The following OLFM3 variants were observed in gnomAD, a reference collection of about 807,000 sequenced individuals.
The protein encoded by OLFM3 is noelin-3.
A neutral mutation model predicts 48.6 loss-of-function variants in OLFM3; 20 were observed. The ratio of observed to expected loss-of-function variants is 0.41; its 90% CI spans 0.29 to 0.60. The LOEUF (loss-of-function observed/expected upper bound fraction) is 0.60. Among genes scored for constraint, OLFM3 ranks in the 20% least tolerant of loss-of-function variants. The pLI is 0.28. For missense variants in OLFM3, 437 were observed against 544.3 expected, an observed-to-expected ratio of 0.80 and a Z score of 1.96; for synonymous variants, 222 against 198.1, an observed-to-expected ratio of 1.12 and a Z score of -1.01.
chr1:101,890,094 T>A (rs1202352755), intron 1 of OLFM3, among the ~76,000 whole-genome samples: 2 of 152,084 alleles, frequency 1.3e-5, no homozygotes, highest in Non-Finnish European at 2.9e-5. Flanking sequence ...GACCTTTTAA[T>A]GATCTTGGAA....
chr1:101,946,867 G>C (rs1256284212), intron 1 of OLFM3, among the ~76,000 whole-genome samples: 2 of 152,146 alleles, frequency 1.3e-5, no homozygotes, highest in Non-Finnish European at 2.9e-5. Context: ...GATTGAACAA[G>C]TGAAGCATAA....
intron 1 of OLFM3, among the ~76,000 whole-genome samples, chr1:101,960,632 G>A (rs1660439333): frequency 6.6e-6 from 1 of 151,662 alleles, no homozygotes; most frequent in African/African-American, 2.4e-5. Context: ...TCTTGGGTGA[G>A]TATTGCCAAA....
At chr1:101,826,161 C>T (rs1365302411) in intron 3 of OLFM3, among the ~76,000 whole-genome samples, 2 of 151,608 alleles carry the variant, frequency 1.3e-5, no homozygotes, top group African/African-American at 2.4e-5. Flanking sequence ...CACACACACA[C>T]ACACACACAC....
intron 1 of OLFM3, among the ~76,000 whole-genome samples, chr1:101,957,763 G>T (rs1660341206): frequency 6.6e-6 from 1 of 152,026 alleles, no homozygotes; most frequent in Admixed American, 6.6e-5. Context: ...AAAGGTTAGA[G>T]ACTATTAAAA....
At chr1:101,884,434 C>CT (rs1657661103) in intron 1 of OLFM3, among the ~76,000 whole-genome samples, 2 of 151,628 alleles carry the variant, frequency 1.3e-5, no homozygotes, top group Non-Finnish European at 2.9e-5. Flanking sequence ...AAAAGGACAC[C>CT]TTTCTGAACC....
At chr1:101,881,849 A>G (rs546306369) in intron 1 of OLFM3, among the ~76,000 whole-genome samples, 1 of 151,236 alleles carries the variant, frequency 6.6e-6, no homozygotes, top group East Asian at 2.0e-4. Flanking sequence ...GATCATCTCT[A>G]CTTCTTTCTT....
At chr1:101,911,068 C>T (rs112146095) in intron 1 of OLFM3, among the ~76,000 whole-genome samples, 15 of 152,160 alleles carry the variant, frequency 9.9e-5, no homozygotes, top group African/African-American at 3.4e-4. Context: ...TTATGAATTT[C>T]GTTATTATTT....
chr1:101,946,622 G>A (rs973918109), intron 1 of OLFM3, among the ~76,000 whole-genome samples: 2 of 152,090 alleles, frequency 1.3e-5, no homozygotes, highest in East Asian at 1.9e-4. Flanking sequence ...AGTTATTTAG[G>A]CATTAATGTA....
At chr1:101,904,927 G>A (rs1658505040) in intron 1 of OLFM3, among the ~76,000 whole-genome samples, 1 of 152,026 alleles carries the variant, frequency 6.6e-6, no homozygotes, top group African/African-American at 2.4e-5. Context: ...AGACAAAACT[G>A]GTAATCTTTG....
chr1:101,926,784 A>G (rs1352755711), intron 1 of OLFM3, among the ~76,000 whole-genome samples: 1 of 152,172 alleles, frequency 6.6e-6, no homozygotes, highest in Non-Finnish European at 1.5e-5. Context: ...ACACTTCACA[A>G]TAGGGTAGAC....
At chr1:101,886,877 AGTCATCTCCTAT>A (rs1217922132) in intron 1 of OLFM3, among the ~76,000 whole-genome samples, 1 of 152,114 alleles carries the variant, frequency 6.6e-6, no homozygotes, top group East Asian at 1.9e-4. Context: ...ATTTATTAAA[AGTCATCTCCTAT>A]GACAGGCTCT....
intron 2 of OLFM3, among the ~76,000 whole-genome samples, chr1:101,833,535 T>C (rs1416075699): frequency 3.3e-5 from 5 of 152,250 alleles, no homozygotes; most frequent in African/African-American, 9.6e-5. Flanking sequence ...GGTTGTTCTA[T>C]GATTCAGCTT....
chr1:101,846,085 C>T (rs1655979790), intron 1 of OLFM3, among the ~76,000 whole-genome samples: 1 of 152,096 alleles, frequency 6.6e-6, no homozygotes, highest in Non-Finnish European at 1.5e-5. Context: ...CAATAGTTTT[C>T]ATTTTTCTTT....
At chr1:101,840,718 G>A (rs546899111) in intron 1 of OLFM3, among the ~76,000 whole-genome samples, 3 of 152,130 alleles carry the variant, frequency 2.0e-5, no homozygotes, top group Admixed American at 6.5e-5. Context: ...CAATCTGCCC[G>A]CCTCGGCCTC....
chr1:101,876,126 C>T (rs1017766397), intron 1 of OLFM3, among the ~76,000 whole-genome samples: 3 of 151,778 alleles, frequency 2.0e-5, no homozygotes, highest in Non-Finnish European at 4.4e-5. Flanking sequence ...TCCTAAGGAC[C>T]TCTCTGTTTA....
At chr1:101,986,823 G>A (rs1393338793) in intron 1 of OLFM3, among the ~76,000 whole-genome samples, 2 of 152,156 alleles carry the variant, frequency 1.3e-5, no homozygotes. Context: ...AGTAATAGAA[G>A]GGTAACTAGG....
chr1:101,871,767 A>G (rs1454181841), intron 1 of OLFM3, among the ~76,000 whole-genome samples: 1 of 152,054 alleles, frequency 6.6e-6, no homozygotes, highest in Non-Finnish European at 1.5e-5. Context: ...ATACTTTGAA[A>G]ATAGAATGCA....
At chr1:101,935,222 C>T (rs1244083181) in intron 1 of OLFM3, among the ~76,000 whole-genome samples, 2 of 150,150 alleles carry the variant, frequency 1.3e-5, no homozygotes, top group South Asian at 2.1e-4. Context: ...ATTGATAGAC[C>T]ACTAACTAGA....
Position 101,897,848 on chromosome 1 carries a change from C to T in OLFM3, c.70-60823G>A, listed in dbSNP as rs578093718. Among the ~76,000 whole-genome samples the T allele has an allele frequency of 3.3e-5, 5 of 152,094 alleles. No homozygotes were observed. The South Asian group carries it at 1.0e-3, about 32-fold the overall frequency. On this transcript the variant is annotated intron_variant, in intron 1 of 5. Coordinates refer to ENST00000370103, the MANE Select transcript of OLFM3 (RefSeq NM_058170.4). ...ATAATGATTTCTAGAGTAAACAGAACTTTTAAGATTATTATTAGAAATACA... is the reference window on the plus strand; with the variant it reads ...ATAATGATTTCTAGAGTAAACAGAATTTTTAAGATTATTATTAGAAATACA...
Sources: allele counts gnomAD v4.1 joint callset (sites outside exome capture counted in the v4.1 genomes callset), GRCh38; gene constraint gnomAD v4.1.1; transcripts MANE v1.5; gene names NCBI Gene and HGNC (gene_info 2026-07-23, HGNC 2026-07-21).